CD209: variants seen among roughly 807,000 people sequenced by gnomAD.
The protein encoded by CD209 is CD209 molecule.
A neutral mutation model predicts 44.7 loss-of-function variants in CD209; 31 were observed. That is an observed-to-expected ratio of 0.69 (90% confidence interval 0.52 to 0.94). The LOEUF (loss-of-function observed/expected upper bound fraction) is 0.94. Among genes scored for constraint, CD209 ranks in the 40% least tolerant of loss-of-function variants. The pLI is 0.00. For missense variants in CD209, 407 were observed against 452.4 expected (o/e 0.90, Z 0.91); for synonymous variants, 173 against 181.3 (o/e 0.95, Z 0.37).
chr19:7,740,791 AAG>A lies in CD209; in HGVS notation c.*2246_*2247del, dbSNP rs1024872676. ...GAACAATGGGAAGAACAGCAGAGGA[AAG>A]AGAGAGAGGAGGAGGAACAGAAACG... On this transcript the variant is annotated 3_prime_UTR_variant, in exon 7 of 7. Coordinates refer to ENST00000315599, the MANE Select transcript of CD209 (RefSeq NM_021155.4). The A allele has an allele frequency of 2.6e-6, 2 of 762,772 alleles. No individual in the cohort carries two copies. The highest frequency in any genetic ancestry group is 4.9e-6 in the Non-Finnish European group (2 of 407,904). 47.3% of individuals were successfully genotyped at this position (762,772 alleles called of 1,614,324 possible). A position where few individuals can be genotyped will look rare whatever the true frequency, so the allele number is the denominator to read the frequency against.
In CD209 at chr19:7,741,424, G is replaced by A. The variant is rs760255942; in HGVS notation, c.*1615C>T. The A allele has an allele frequency of 1.8e-5, 7 of 380,554 alleles. No individual in the cohort carries two copies. Among genetic ancestry groups the A allele is most frequent in the Admixed American group, 3.8e-5 (1 of 26,416 alleles). The allele number at this position is 380,554 out of a possible 1,614,324, so 23.6% of individuals were successfully genotyped here. A position where few individuals can be genotyped will look rare whatever the true frequency, so the allele number is the denominator to read the frequency against. ...GGAGAATCGCTTGAACCCGGGAGGC[G>A]GAAGTTGCAGTGAGCCTAGATCGCG... On this transcript the variant is annotated 3_prime_UTR_variant, in exon 7 of 7. Transcript: ENST00000315599.
chr19:7,747,012 C>T (rs1327853317), intron 2 of CD209, among the ~76,000 whole-genome samples: 2 of 150,508 alleles, frequency 1.3e-5, no homozygotes, highest in Non-Finnish European at 3.0e-5. Context: ...CAGGCCCAGG[C>T]CCCCACCTCT....
In CD209 at chr19:7,747,350, C is replaced by G. The variant is rs1198931681; in HGVS notation, c.62G>C (p.Arg21Thr). 6.2e-7 allele frequency: 1 copy of G among 1,614,204 alleles called. No individual in the cohort carries two copies. The highest frequency in any genetic ancestry group is 2.2e-5 in the East Asian group (1 of 44,890). The change falls in exon 2 of 7, where the codon AGA (arginine) becomes ACA (threonine). Residue 21 changes from arginine (R) to threonine (T), a missense_variant. This residue lies in a region of CD209 where 122 missense variants were observed against 110.3 expected (regional missense o/e 1.11). Coordinates refer to ENST00000315599, the MANE Select transcript of CD209 (RefSeq NM_021155.4). Reference protein sequence around the residue: ...QLGLLEEEQLRGLGFRQTRGY... With the variant: ...QLGLLEEEQLTGLGFRQTRGY... Reference sequence around the variant, plus strand: ...TCGAGTCTGTCGGAATCCAAGGCCTCTCAGCTGTTCCTCCTCTGAATGGAT... The same window carrying G: ...TCGAGTCTGTCGGAATCCAAGGCCTGTCAGCTGTTCCTCCTCTGAATGGAT...
rs376051585 is a variant in CD209, at chr19:7,746,482, G to A, written c.156C>T (p.Leu52=). The A allele has an allele frequency of 1.9e-6, 3 of 1,613,756 alleles. No homozygotes were observed. The highest frequency in any genetic ancestry group is 2.5e-6 in the Non-Finnish European group (3 of 1,179,854). ...PLVLQLLSFT[L]LAGLLVQVSK... is the part of the protein sequence containing the mutation. The stretch of plus-strand genomic sequence containing the variant: ...GACCTTGGACAAGGAGCCCAGCCAA[G>A]AGCGTGAAGGAGAGGAGTTGCAGCA... Residue 52 remains leucine, a synonymous_variant, in exon 3 of 7, where the codon CTC becomes CTT. Coordinates refer to ENST00000315599, the MANE Select transcript of CD209 (RefSeq NM_021155.4).
chr19:7,746,210 G>A (rs879636934), intron 3 of CD209, 123 bp from the exon 4 acceptor site: 25 of 1,402,738 alleles, frequency 1.8e-5, no homozygotes, highest in Non-Finnish European at 2.4e-5. Flanking sequence ...CTTTGAAGAT[G>A]AAGAAAACTG....
intron 5 of CD209, among the ~76,000 whole-genome samples, 196 bp downstream of exon 5, chr19:7,744,745 C>T (rs17159889): frequency 0.032 from 4,875 of 152,284 alleles, 243 homozygotes; most frequent in African/African-American, 0.11. Context: ...TGTTTTTTTC[C>T]GGAGCATTCA....
chr19:7,744,931 C>A lies in CD209; in HGVS notation c.900+10G>T. ...CCCTAGGCCAGGACGGGGACCCCCA[C>A]CAGGTGTACCTGCTCCTCAGCACTT... is the stretch of plus-strand genomic sequence containing the variant. On this transcript the variant is annotated intron_variant, in intron 5 of 6. Coordinates refer to ENST00000315599, the MANE Select transcript of CD209 (RefSeq NM_021155.4). The A allele has an allele frequency of 6.2e-7, 1 of 1,614,128 alleles. No homozygotes were observed. Among genetic ancestry groups the A allele is most frequent in the Non-Finnish European group, 8.5e-7 (1 of 1,179,958 alleles).
intron 6 of CD209, among the ~76,000 whole-genome samples, chr19:7,743,604 C>A (rs758842036): frequency 1.3e-5 from 2 of 152,070 alleles, no homozygotes; most frequent in Non-Finnish European, 2.9e-5. Context: ...TGCCCCAGAG[C>A]CCAAAAAATG....
At chr19:7,744,883 T>C in intron 5 of CD209, 58 bp downstream of exon 5, 1 of 1,599,338 alleles carries the variant, frequency 6.3e-7, no homozygotes, top group Non-Finnish European at 8.5e-7. Context: ...GAGCACCTCC[T>C]CCCCAGTTGG....
rs2033628380 is a variant in CD209, at chr19:7,741,930, GGAA to G, written c.*1106_*1108del. ...AGAAATGGGGAATCCGAAAGGAAAA[GGAA>G]GAAATCTCACTAGCACATGTCAAAG... On this transcript the variant is annotated 3_prime_UTR_variant, in exon 7 of 7. Transcript: ENST00000315599. 1 of 417,860 alleles carries G rather than the reference GGAA, an allele frequency of 2.4e-6. No homozygotes were observed. The highest frequency in any genetic ancestry group is 2.1e-5 in the African/African-American group (1 of 47,508). 25.9% of individuals were successfully genotyped at this position (417,860 alleles called of 1,614,324 possible). A position where few individuals can be genotyped will look rare whatever the true frequency, so the allele number is the denominator to read the frequency against.
chr19:7,746,571 C>T (rs775740307), intron 2 of CD209, 40 bp from the exon 3 acceptor site: 2 of 1,599,832 alleles, frequency 1.3e-6, no homozygotes, highest in Admixed American at 1.7e-5. Flanking sequence ...AGTGTCCCCA[C>T]CGGAGCCTGG....
chr19:7,742,788 G>A lies in CD209; in HGVS notation c.*251C>T. The A allele has an allele frequency of 1.8e-6, 1 of 564,132 alleles. No individual in the cohort carries two copies. The highest frequency in any genetic ancestry group is 3.2e-6 in the Non-Finnish European group (1 of 315,166). The allele number at this position is 564,132 out of a possible 1,614,324, so 34.9% of individuals were successfully genotyped here. A position where few individuals can be genotyped will look rare whatever the true frequency, so the allele number is the denominator to read the frequency against. On this transcript the variant is annotated 3_prime_UTR_variant, in exon 7 of 7. Transcript: ENST00000315599. ...ACCCAAATATCCTAATCTCCAAAAG[G>A]AAGAGAGAGTGGATTCTTGGAACAC...
In CD209 at chr19:7,741,683, C is replaced by G. The variant is rs2033619397; in HGVS notation, c.*1356G>C. 1 of 765,234 alleles carries G rather than the reference C, an allele frequency of 1.3e-6. No homozygotes were observed. The highest frequency in any genetic ancestry group is 2.2e-6 in the Non-Finnish European group (1 of 447,228). The allele number at this position is 765,234 out of a possible 1,614,324, so 47.4% of individuals were successfully genotyped here. Reference sequence around the variant, plus strand: ...ACGACAGCTTCAGTGTGAATTCTGCCCAGTGGCTCGGTGGAAAATGATGAT... The same window carrying G: ...ACGACAGCTTCAGTGTGAATTCTGCGCAGTGGCTCGGTGGAAAATGATGAT... On this transcript the variant is annotated 3_prime_UTR_variant, in exon 7 of 7. Coordinates refer to ENST00000315599, the MANE Select transcript of CD209 (RefSeq NM_021155.4).
chr19:7,744,897 G>C, intron 5 of CD209, 44 bp downstream of exon 5: 1 of 1,607,288 alleles, frequency 6.2e-7, no homozygotes, highest in Non-Finnish European at 8.5e-7. Flanking sequence ...CAGTTGGCCA[G>C]AAGCCATGCC....
In CD209 at chr19:7,746,077, G is replaced by A. The variant is rs1233668023; in HGVS notation, c.189C>T (p.Val63=). Residue 63 remains valine, a synonymous_variant, in exon 4 of 7, where the codon GTC becomes GTT. Transcript: ENST00000315599. ...ATTGTTCCTGACTTATGGAGCTGGG[G>A]ACCTTGGACACTGGGCCAAGAAAAA... ...LAGLLVQVSK[V]PSSISQEQSR... 1 of 1,614,052 alleles carries A rather than the reference G, an allele frequency of 6.2e-7. No individual in the cohort carries two copies. The highest frequency in any genetic ancestry group is 1.1e-5 in the South Asian group (1 of 91,090).
At position 7,746,534 on chromosome 19, in the gene CD209, G is replaced by A. The variant is rs541263341; in HGVS notation, c.107-3C>T. On this transcript the variant is annotated splice_polypyrimidine_tract_variant and splice_region_variant and intron_variant, in intron 2 of 6. Transcript: ENST00000315599. ...CAGGGGACCATGGCCAAGACACCCT[G>A]AGAGAGGATACATGCGTCAGCCTGC... is the stretch of plus-strand genomic sequence containing the variant. 12 of 1,613,546 alleles carry A rather than the reference G, an allele frequency of 7.4e-6. No homozygotes were observed. The highest frequency in any genetic ancestry group is 5.1e-6 in the Non-Finnish European group (6 of 1,179,710).
Position 7,744,736 on chromosome 19 carries a change from G to GT in CD209, c.900+204dup, listed in dbSNP as rs1241438442. ...CTGCAGGGGTTTGCTTACATTTGAT[G>GT]TTTTTTTCCGGAGCATTCACACATG... On this transcript the variant is annotated intron_variant, in intron 5 of 6. Coordinates refer to ENST00000315599, the MANE Select transcript of CD209 (RefSeq NM_021155.4). Among the ~76,000 whole-genome samples, 4 of 152,324 alleles carry GT rather than the reference G, an allele frequency of 2.6e-5. No individual in the cohort carries two copies. The South Asian group carries it at 8.3e-4, about 32-fold the overall frequency.
intron 5 of CD209, among the ~76,000 whole-genome samples, chr19:7,744,618 C>T (rs1315021771): frequency 6.6e-6 from 1 of 152,232 alleles, no homozygotes; most frequent in Non-Finnish European, 1.5e-5. Flanking sequence ...TGAAATCAGC[C>T]ACCATGGGAA....
intron 4 of CD209, 122 bp downstream of exon 4, chr19:7,745,396 G>A (rs1259759298): frequency 4.5e-6 from 7 of 1,563,966 alleles, no homozygotes; most frequent in Non-Finnish European, 4.3e-6. Flanking sequence ...AATGATCACA[G>A]TTACCCTGTG....
Sources: gnomAD v4.1 joint callset for allele counts (sites outside exome capture counted in the v4.1 genomes callset) on GRCh38, gnomAD v4.1.1 for gene constraint, gnomAD v4.1.1 regional missense constraint, MANE v1.5 for transcripts, NCBI Gene and HGNC (gene_info 2026-07-23, HGNC 2026-07-21) for gene names.